NBAS: variants seen among roughly 807,000 people sequenced by gnomAD.
NBAS encodes the protein NAG/BC035112 fusion.
Under a neutral mutation model 302.5 loss-of-function variants are expected in NBAS, and 219 were observed. The observed-to-expected ratio is 0.72, with a 90% CI of 0.65 to 0.81. The LOEUF (loss-of-function observed/expected upper bound fraction) is 0.81, where lower values mean the gene tolerates loss of function less well. Among genes scored for constraint, NBAS ranks in the 30% least tolerant of loss-of-function variants. NBAS has a pLI of 0.00. For synonymous variants in NBAS, 1,118 were observed against 1,021.6 expected (o/e 1.09, Z -1.80); for missense variants, 2,932 against 2,841.6 (o/e 1.03, Z -0.72).
the NBAS span, among the ~76,000 whole-genome samples, chr2:14,923,980 G>A: frequency 3.3e-5 from 5 of 152,100 alleles, no homozygotes; most frequent in African/African-American, 1.2e-4. Flanking sequence ...CCCTCGTCAA[G>A]TCTACACTTC....
chr2:15,210,273 T>C (rs1666347108), intron 48 of NBAS, among the ~76,000 whole-genome samples: 1 of 151,850 alleles, frequency 6.6e-6, no homozygotes, highest in Admixed American at 6.6e-5. Context: ...CAAACAACTA[T>C]AGAAAAAAAA....
At chr2:14,848,428 G>A in the NBAS span, among the ~76,000 whole-genome samples, 29 of 141,916 alleles carry the variant, frequency 2.0e-4, no homozygotes, top group African/African-American at 7.5e-4. Context: ...AGGGTCCTAC[G>A]CCCACGGAAT....
chr2:14,781,839 G>A, the NBAS span, among the ~76,000 whole-genome samples: 1 of 151,704 alleles, frequency 6.6e-6, no homozygotes, highest in Non-Finnish European at 1.5e-5. Flanking sequence ...GACACTGATA[G>A]TAACTGAAAG....
At chr2:15,128,562 C>T in the NBAS span, among the ~76,000 whole-genome samples, 67 of 152,206 alleles carry the variant, frequency 4.4e-4, no homozygotes, top group Non-Finnish European at 7.9e-4. Context: ...AAGTGGGACA[C>T]GATCATGTCT....
chr2:15,305,113 C>T (rs1182074413), intron 40 of NBAS, among the ~76,000 whole-genome samples: 1 of 152,048 alleles, frequency 6.6e-6, no homozygotes, highest in Non-Finnish European at 1.5e-5. Flanking sequence ...AGGCCAGAGG[C>T]AGAATGATAT....
chr2:15,407,760 G>A (rs747386199), intron 25 of NBAS, among the ~76,000 whole-genome samples: 27 of 152,164 alleles, frequency 1.8e-4, no homozygotes, highest in Non-Finnish European at 3.1e-4. Context: ...TTTCTATGCT[G>A]CCATAATAAA....
In NBAS at chr2:15,182,838, T is replaced by C. The variant is rs145478225; in HGVS notation, c.6712-3722A>G. On this transcript the variant is annotated intron_variant, in intron 50 of 51. Transcript: ENST00000281513. ...TCAGGAAAACCATCATGGCCATAAG[T>C]AAGCAAGTCCCAGGAGCAACAGCAG... 1.6e-3 allele frequency among the ~76,000 whole-genome samples: 250 copies of C among 152,256 alleles called. 2 individuals carry two copies. The highest frequency in any genetic ancestry group is 5.5e-3 in the African/African-American group (230 of 41,558).
rs550669750 is a variant in NBAS at position 15,275,214 on chromosome 2, T to C, written c.5724+270A>G. Among the ~76,000 whole-genome samples the C allele has an allele frequency of 1.1e-4, 16 of 152,318 alleles. No homozygotes were observed. The East Asian group carries it at 3.1e-3, about 29-fold the overall frequency. ...GGAAAGAACAGAATGGCATATTTAC[T>C]ATAAAGTGACATGAGAACTGTAACA... On this transcript the variant is annotated intron_variant, in intron 44 of 51. Coordinates refer to ENST00000281513, the MANE Select transcript of NBAS (RefSeq NM_015909.4).
At chr2:15,179,830 C>A (rs1369001244) in intron 50 of NBAS, 1 of 152,288 alleles carries the variant, frequency 6.6e-6, no homozygotes, top group Admixed American at 6.5e-5. Flanking sequence ...GGTCACAGAG[C>A]AGGCTTTCGT....
At chr2:15,057,918 G>T in the NBAS span, among the ~76,000 whole-genome samples, 7 of 152,118 alleles carry the variant, frequency 4.6e-5, no homozygotes, top group Non-Finnish European at 7.4e-5. Flanking sequence ...TGTAAGAATG[G>T]CCATAATCAA....
intron 7 of NBAS, among the ~76,000 whole-genome samples, chr2:15,537,044 A>G (rs1326948470): frequency 6.6e-6 from 1 of 152,234 alleles, no homozygotes; most frequent in African/African-American, 2.4e-5. Context: ...ACCAAATACC[A>G]GGCTAAACTG....
chr2:15,001,330 G>A, the NBAS span, among the ~76,000 whole-genome samples: 2 of 151,976 alleles, frequency 1.3e-5, no homozygotes, highest in Non-Finnish European at 2.9e-5. Flanking sequence ...AGCTATTCCA[G>A]TGCTACATGT....
At chr2:15,278,418 G>T (rs1248468795) in intron 42 of NBAS, among the ~76,000 whole-genome samples, 1 of 151,992 alleles carries the variant, frequency 6.6e-6, no homozygotes, top group Non-Finnish European at 1.5e-5. Context: ...TCTGTTATTC[G>T]TAACGTATTT....
In NBAS at chr2:15,413,836, CCAA is replaced by C. The variant is rs554959803; in HGVS notation, c.2937+1707_2937+1709del. Among the ~76,000 whole-genome samples the C allele has an allele frequency of 2.0e-3, 301 of 152,160 alleles. 3 individuals are homozygous for C. The highest frequency in any genetic ancestry group is 7.1e-3 in the African/African-American group (296 of 41,520). On this transcript the variant is annotated intron_variant, in intron 25 of 51. Transcript: ENST00000281513. ...AGAAGCTGGGTTGGAAAGGAAGAGC[CCAA>C]CAACATCACTGTTCTCTGTTTTGAG... is the stretch of plus-strand genomic sequence containing the variant.
At chr2:15,321,940 C>T (rs571290398) in intron 38 of NBAS, among the ~76,000 whole-genome samples, 9 of 152,248 alleles carry the variant, frequency 5.9e-5, no homozygotes, top group South Asian at 4.2e-4. Flanking sequence ...CATATGCACA[C>T]GTATGTTTAT....
intron 11 of NBAS, among the ~76,000 whole-genome samples, chr2:15,490,816 G>C (rs985527161): frequency 6.6e-6 from 1 of 152,136 alleles, no homozygotes; most frequent in Non-Finnish European, 1.5e-5. Flanking sequence ...TAGTAGTCAC[G>C]AGCATGCCCC....
chr2:15,108,173 T>C, the NBAS span, among the ~76,000 whole-genome samples: 1 of 152,146 alleles, frequency 6.6e-6, no homozygotes, highest in African/African-American at 2.4e-5. Flanking sequence ...TGTGTGAACA[T>C]ATGTTTTCAT....
chr2:14,813,466 C>T, the NBAS span, among the ~76,000 whole-genome samples: 998 of 152,244 alleles, frequency 6.6e-3, 9 homozygotes, highest in African/African-American at 0.022. Flanking sequence ...TGACTGGCAG[C>T]GTTGTGCCCC....
At chr2:15,033,545 G>T in the NBAS span, among the ~76,000 whole-genome samples, 1 of 152,040 alleles carries the variant, frequency 6.6e-6, no homozygotes, top group Non-Finnish European at 1.5e-5. Context: ...ACTCATTGTC[G>T]TTTCCCAAAA....
Sources: allele counts gnomAD v4.1 joint callset (sites outside exome capture counted in the v4.1 genomes callset), GRCh38; gene constraint gnomAD v4.1.1; transcripts MANE v1.5; gene names NCBI Gene and HGNC (gene_info 2026-07-23, HGNC 2026-07-21).